The following SMURF2 variants were observed in gnomAD, a reference collection of about 807,000 sequenced individuals.
The protein encoded by SMURF2 is SMAD specific E3 ubiquitin protein ligase 2.
SMURF2 carries 48 observed loss-of-function variants against 109.6 expected under a neutral mutation model. The observed-to-expected ratio is 0.44, with a 90% CI of 0.35 to 0.56. The LOEUF (loss-of-function observed/expected upper bound fraction) is 0.56. Among genes scored for constraint, SMURF2 ranks in the 20% least tolerant of loss-of-function variants. The pLI is 0.01. For missense variants in SMURF2, 575 were observed against 909.0 expected, an observed-to-expected ratio of 0.63 and a Z score of 4.72; for synonymous variants, 288 against 317.1, an observed-to-expected ratio of 0.91 and a Z score of 0.97.
chr17:64,650,046 G>A (rs782123184), intron 1 of SMURF2, among the ~76,000 whole-genome samples: 9 of 151,548 alleles, frequency 5.9e-5, no homozygotes, highest in South Asian at 2.1e-4. Flanking sequence ...TATTAATGTC[G>A]TACCTGCTCT....
Position 64,583,530 on chromosome 17 carries a change from C to G in SMURF2, c.500G>C (p.Arg167Thr), listed in dbSNP as rs1969605727. 1 of 1,613,632 alleles carries G rather than the reference C, an allele frequency of 6.2e-7. No individual in the cohort carries two copies. Among genetic ancestry groups the G allele is most frequent in the Non-Finnish European group, 8.5e-7 (1 of 1,179,690 alleles). Residue 167 changes from arginine to threonine, a missense_variant, in exon 7 of 19, where the codon AGA becomes ACA. Around this residue, in one of 5 missense-constraint regions of SMURF2, gnomAD observed 151 missense variants for 178.4 expected, o/e 0.85. Coordinates refer to ENST00000262435, the MANE Select transcript of SMURF2 (RefSeq NM_022739.4). Reference protein sequence around the residue: ...NDLPDGWEERRTASGRIQYLN... With the variant: ...NDLPDGWEERTTASGRIQYLN... ...ATACTGGATTCTTCCAGAGGCGGTT[C>G]TCCTTTCTTCCCAGCTTAAATAAAA...
intron 1 of SMURF2, among the ~76,000 whole-genome samples, chr17:64,659,706 A>T (rs1055065): frequency 1.3e-5 from 2 of 152,226 alleles, no homozygotes; most frequent in South Asian, 2.1e-4. Context: ...TTTATGTCCT[A>T]AAAAGCTGCT....
intron 2 of SMURF2, among the ~76,000 whole-genome samples, chr17:64,601,491 T>C (rs1167162050): frequency 1.4e-4 from 22 of 152,194 alleles, no homozygotes; most frequent in Admixed American, 1.2e-3. Flanking sequence ...ATCAGAACTA[T>C]AATGCGATGC....
chr17:64,560,016 T>A (rs1288338911), intron 12 of SMURF2, among the ~76,000 whole-genome samples: 1 of 151,594 alleles, frequency 6.6e-6, no homozygotes, highest in African/African-American at 2.4e-5. Flanking sequence ...TCTCCCAAAG[T>A]GCTGGGATTA....
intron 10 of SMURF2, among the ~76,000 whole-genome samples, chr17:64,564,002 C>T (rs1969265276): frequency 6.6e-6 from 1 of 152,126 alleles, no homozygotes; most frequent in Admixed American, 6.5e-5. Context: ...AAGCATATAT[C>T]AGATATGTAA....
At chr17:64,573,560 C>G (rs1969446205) in intron 9 of SMURF2, among the ~76,000 whole-genome samples, 1 of 152,104 alleles carries the variant, frequency 6.6e-6, no homozygotes, top group South Asian at 2.1e-4. Context: ...TGAAACACTG[C>G]TAGTCTCAAA....
At chr17:64,564,239 A>C (rs1189074808) in intron 10 of SMURF2, among the ~76,000 whole-genome samples, 2 of 152,240 alleles carry the variant, frequency 1.3e-5, no homozygotes, top group African/African-American at 4.8e-5. Flanking sequence ...TCAGTAGATA[A>C]ATGAATAAAC....
intron 2 of SMURF2, among the ~76,000 whole-genome samples, chr17:64,604,537 G>A (rs1555688862): frequency 6.6e-6 from 1 of 152,140 alleles, no homozygotes; most frequent in African/African-American, 2.4e-5. Context: ...TAGAGAAGCT[G>A]TGTCTTGGGA....
intron 15 of SMURF2, among the ~76,000 whole-genome samples, chr17:64,553,273 G>A (rs1250821633): frequency 1.3e-5 from 2 of 152,016 alleles, no homozygotes; most frequent in Non-Finnish European, 2.9e-5. Flanking sequence ...TTGGGAGGCT[G>A]AGGCAAGCAG....
intron 16 of SMURF2, among the ~76,000 whole-genome samples, chr17:64,548,899 T>C (rs1181871110): frequency 1.3e-5 from 2 of 152,192 alleles, no homozygotes; most frequent in Non-Finnish European, 2.9e-5. Context: ...ATTCCATGTA[T>C]ACTATAAAAC....
chr17:64,643,318 C>T (rs928214966), intron 1 of SMURF2, among the ~76,000 whole-genome samples: 1 of 151,984 alleles, frequency 6.6e-6, no homozygotes, highest in Non-Finnish European at 1.5e-5. Flanking sequence ...CCACTGCACC[C>T]GGCCTAAATT....
At chr17:64,614,622 G>A in intron 1 of SMURF2, among the ~76,000 whole-genome samples, 1 of 152,148 alleles carries the variant, frequency 6.6e-6, no homozygotes, top group Non-Finnish European at 1.5e-5. Context: ...TAGCAGAGAT[G>A]ATCAAAATGA....
In SMURF2 at chr17:64,661,869, G is replaced by C. The variant is rs1970783810; in HGVS notation, c.12C>G (p.Pro4=). The part of the protein sequence containing the change: MSN[P]GGRRNGPVKL... ...TGACGGGCCCGTTCCTCCGGCCTCCGGGGTTAGACATGTCCCCGGCGGCGG... is the reference window on the plus strand; with the variant it reads ...TGACGGGCCCGTTCCTCCGGCCTCCCGGGTTAGACATGTCCCCGGCGGCGG... The change falls in exon 1 of 19, where the codon CCC becomes CCG. Residue 4 remains proline (P), a synonymous_variant. Transcript: ENST00000262435. 1 of 1,214,840 alleles carries C rather than the reference G, an allele frequency of 8.2e-7. No individual in the cohort carries two copies. Among genetic ancestry groups the C allele is most frequent in the Non-Finnish European group, 1.0e-6 (1 of 977,460 alleles). The allele number at this position is 1,214,840 out of a possible 1,614,324, so 75.3% of individuals were successfully genotyped here. A position where few individuals can be genotyped will look rare whatever the true frequency, so the allele number is the denominator to read the frequency against.
At chr17:64,572,995 T>G (rs1315932448) in intron 9 of SMURF2, 1 of 151,586 alleles carries the variant, frequency 6.6e-6, no homozygotes, top group Non-Finnish European at 1.5e-5. Flanking sequence ...TTTCCTGCCT[T>G]AAATGAATAC....
Position 64,571,817 on chromosome 17 carries a change from T to G in SMURF2, c.997A>C (p.Asn333His). 1 of 1,610,298 alleles carries G rather than the reference T, an allele frequency of 6.2e-7. No individual in the cohort carries two copies. The highest frequency in any genetic ancestry group is 8.5e-7 in the Non-Finnish European group (1 of 1,178,656). ...ACTTACTTTAAAACTAAATGCAAGT[T>G]AGCAGACAGCCGAGGATCTGTAAAT... The part of the protein sequence containing the change: ...TQFTDPRLSA[N>H]LHLVLNRQNQ... The change falls in exon 10 of 19, where the codon AAC (asparagine) becomes CAC (histidine). Residue 333 changes from asparagine (N) to histidine (H), a missense_variant. Asn to His is a moderately conservative substitution (Grantham distance 68). Around this residue, in one of 5 missense-constraint regions of SMURF2, gnomAD observed 361 missense variants for 612.1 expected, o/e 0.59. Coordinates refer to ENST00000262435, the MANE Select transcript of SMURF2 (RefSeq NM_022739.4).
intron 10 of SMURF2, among the ~76,000 whole-genome samples, chr17:64,567,777 G>C (rs914819612): frequency 5.9e-5 from 9 of 151,938 alleles, no homozygotes; most frequent in African/African-American, 2.2e-4. Context: ...CCACCTCCCA[G>C]GTTCAAGCAA....
chr17:64,559,772 G>C (rs1340836777), intron 12 of SMURF2, among the ~76,000 whole-genome samples: 1 of 149,362 alleles, frequency 6.7e-6, no homozygotes, highest in African/African-American at 2.5e-5. Context: ...TTTTTGAGAC[G>C]GAGTCACACT....
chr17:64,628,646 T>C (rs1251058477), intron 1 of SMURF2, among the ~76,000 whole-genome samples: 1 of 152,266 alleles, frequency 6.6e-6, no homozygotes. Flanking sequence ...CCCAAAGCAA[T>C]AGTCTACATT....
chr17:64,606,520 A>C, intron 2 of SMURF2, 82 bp downstream of exon 2: 331 of 980,900 alleles, frequency 3.4e-4, no homozygotes, highest in Non-Finnish European at 4.7e-4. Context: ...TGAATAGAGA[A>C]ACCCCTAAAC....
Sources: allele counts gnomAD v4.1 joint callset (sites outside exome capture counted in the v4.1 genomes callset), GRCh38; gene constraint gnomAD v4.1.1; regional missense constraint gnomAD v4.1.1; transcripts MANE v1.5; gene names NCBI Gene and HGNC (gene_info 2026-07-23, HGNC 2026-07-21).